BTAF1: variants seen among roughly 807,000 people sequenced by gnomAD.
BTAF1 encodes TATA-binding protein-associated factor 172.
A neutral mutation model predicts 227.1 loss-of-function variants in BTAF1; 38 were observed. The ratio of observed to expected loss-of-function variants is 0.17; its 90% confidence interval spans 0.13 to 0.22. BTAF1 has a LOEUF of 0.22. Ranked by LOEUF, BTAF1 falls within the 10% of genes least tolerant of loss-of-function variation. The probability of loss-of-function intolerance (pLI) is 1.00; values close to 1 mark genes in which losing one functional copy is unlikely to be tolerated. For missense variants in BTAF1, 1,598 were observed against 2,204.0 expected (o/e 0.73, Z 5.51); for synonymous variants, 742 against 751.9 (o/e 0.99, Z 0.21).
At chr10:91,984,471 A>T in intron 19 of BTAF1, 67 bp downstream of exon 19, 1 of 1,370,784 alleles carries the variant, frequency 7.3e-7, no homozygotes, top group South Asian at 1.4e-5. Context: ...ATTTGTCATG[A>T]CATGTTTATC....
rs1564667377 is a variant in BTAF1, at chr10:91,951,556, A to G, written c.554A>G (p.Asn185Ser). Residue 185 changes from asparagine to serine, a missense_variant, in exon 5 of 38, where the codon AAC becomes AGC. Around this residue, in one of 10 missense-constraint regions of BTAF1, gnomAD observed 298 missense variants for 395.2 expected, o/e 0.75. Transcript: ENST00000265990. ...ACCCCAACTTCAGCATCCTTTGTTA[A>G]CAAACAACCTGTAGGTAAAACGTTT... ...DYTPTSASFV[N>S]KQPTLQAAEL... 6.3e-7 allele frequency: 1 copy of G among 1,596,530 alleles called. No individual in the cohort carries two copies. The highest frequency in any genetic ancestry group is 8.5e-7 in the Non-Finnish European group (1 of 1,174,580).
chr10:92,018,946 C>A lies in BTAF1; in HGVS notation c.4863+11C>A. On this transcript the variant is annotated intron_variant, in intron 34 of 37. Coordinates refer to ENST00000265990, the MANE Select transcript of BTAF1 (RefSeq NM_003972.3). ...TCAGCTTTGAAACAAGTATGTATGT[C>A]TTTTAAGTGTTAAATGTGTGTTGTA... is the stretch of plus-strand genomic sequence containing the variant. The A allele has an allele frequency of 1.3e-6, 2 of 1,521,826 alleles. No individual in the cohort carries two copies. Among genetic ancestry groups the A allele is most frequent in the Non-Finnish European group, 8.8e-7 (1 of 1,136,404 alleles). 94.3% of individuals were successfully genotyped at this position (1,521,826 alleles called of 1,614,324 possible).
chr10:91,992,366 C>T, intron 21 of BTAF1, 57 bp downstream of exon 21: 1 of 1,437,186 alleles, frequency 7.0e-7, no homozygotes, highest in Non-Finnish European at 9.3e-7. Context: ...ATCTGACTTA[C>T]AAATTGAGAA....
intron 16 of BTAF1, 55 bp downstream of exon 16, chr10:91,981,847 A>G (rs573566195): frequency 3.9e-6 from 6 of 1,531,852 alleles, no homozygotes; most frequent in African/African-American, 1.4e-5. Context: ...TTATTAATAC[A>G]GTAACCATAT....
chr10:91,938,258 T>A (rs1217291025), intron 2 of BTAF1, among the ~76,000 whole-genome samples: 1 of 152,226 alleles, frequency 6.6e-6, no homozygotes, highest in Non-Finnish European at 1.5e-5. Flanking sequence ...GATTTGGAAA[T>A]ATACTCTTCT....
At chr10:91,973,162 G>A (rs185768151) in intron 14 of BTAF1, among the ~76,000 whole-genome samples, 8 of 152,292 alleles carry the variant, frequency 5.3e-5, no homozygotes, top group African/African-American at 1.9e-4. Context: ...AATGTAAAGA[G>A]CCGTTAAATA....
intron 16 of BTAF1, 96 bp downstream of exon 16, chr10:91,981,888 TTTAA>T (rs1848086973): frequency 7.1e-7 from 1 of 1,408,700 alleles, no homozygotes; most frequent in Non-Finnish European, 9.4e-7. Flanking sequence ...TTAAGTGTGA[TTTAA>T]TTAACATAAG....
At position 91,992,209 on chromosome 10, in the gene BTAF1, C is replaced by T; in HGVS notation, c.2945C>T (p.Ala982Val). 1 of 1,613,918 alleles carries T rather than the reference C, an allele frequency of 6.2e-7. No individual in the cohort carries two copies. Among genetic ancestry groups the T allele is most frequent in the Non-Finnish European group, 8.5e-7 (1 of 1,179,966 alleles). Residue 982 changes from alanine to valine, a missense_variant, in exon 21 of 38, where the codon GCT (alanine) becomes GTT (valine). Physicochemically the swap from Ala to Val is moderately conservative, Grantham distance 64 (BLOSUM62 0). Coordinates refer to ENST00000265990, the MANE Select transcript of BTAF1 (RefSeq NM_003972.3). The part of the protein sequence containing the change: ...TLYRHQKAAF[A>V]ITSRRGPTPK... ...TACAGGCACCAGAAAGCTGCCTTTG[C>T]TATCACAAGTAGGCGAGGTCCTACC... is the stretch of plus-strand genomic sequence containing the variant.
intron 34 of BTAF1, among the ~76,000 whole-genome samples, chr10:92,023,876 T>G (rs1451974857): frequency 6.6e-6 from 1 of 152,238 alleles, no homozygotes; most frequent in East Asian, 1.9e-4. Flanking sequence ...TCAAGTGATC[T>G]GCCTGCCTTG....
At chr10:92,016,189 A>T in intron 32 of BTAF1, 151 bp from the exon 33 acceptor site, 1 of 855,924 alleles carries the variant, frequency 1.2e-6, no homozygotes, top group Non-Finnish European at 1.7e-6. Flanking sequence ...GATAACCTGT[A>T]ATTCCTGTAG....
chr10:91,984,176 CTATT>C, intron 18 of BTAF1, 21 bp from the exon 19 acceptor site: 5 of 1,596,606 alleles, frequency 3.1e-6, no homozygotes, highest in Non-Finnish European at 4.3e-6. Context: ...TACAGTTACC[CTATT>C]TGTTTTCTGT....
chr10:91,988,383 AG>A (rs1168796794), intron 19 of BTAF1, among the ~76,000 whole-genome samples: 1 of 152,230 alleles, frequency 6.6e-6, no homozygotes, highest in Non-Finnish European at 1.5e-5. Flanking sequence ...TTAAACTTTT[AG>A]CATTGTAACC....
At chr10:91,983,604 C>A (rs1848208006) in intron 18 of BTAF1, among the ~76,000 whole-genome samples, 1 of 152,148 alleles carries the variant, frequency 6.6e-6, no homozygotes, top group East Asian at 1.9e-4. Context: ...AGTTAGGTTT[C>A]TGGACACTCA....
At chr10:91,971,437 T>C (rs1847295305) in intron 14 of BTAF1, among the ~76,000 whole-genome samples, 1 of 151,956 alleles carries the variant, frequency 6.6e-6, no homozygotes. Flanking sequence ...GCTATTTCAT[T>C]CTGTGTTTTC....
At chr10:91,974,716 G>A (rs536173784) in intron 14 of BTAF1, among the ~76,000 whole-genome samples, 15 of 152,224 alleles carry the variant, frequency 9.9e-5, no homozygotes, top group African/African-American at 2.4e-4. Context: ...GCCAGGAGTC[G>A]TGGTGGGTGC....
At chr10:91,971,913 T>C (rs1450007977) in intron 14 of BTAF1, among the ~76,000 whole-genome samples, 1 of 151,802 alleles carries the variant, frequency 6.6e-6, no homozygotes, top group Non-Finnish European at 1.5e-5. Flanking sequence ...CATCCATAAT[T>C]GACATTTCTT....
intron 25 of BTAF1, among the ~76,000 whole-genome samples, chr10:91,998,767 T>C (rs1200618503): frequency 2.6e-5 from 4 of 152,184 alleles, no homozygotes; most frequent in Non-Finnish European, 5.9e-5. Flanking sequence ...ATAGTTATTA[T>C]GGGCTGGGTG....
At position 91,955,689 on chromosome 10, in the gene BTAF1, T is replaced by C. The variant is rs75328104; in HGVS notation, c.702-839T>C. ...TTAAGAAAATGTTATGCTTTCCAAATAGAGGGAATTACAAGGACAAATGCC... is the reference window on the plus strand; with the variant it reads ...TTAAGAAAATGTTATGCTTTCCAAACAGAGGGAATTACAAGGACAAATGCC... On this transcript the variant is annotated intron_variant, in intron 6 of 37. Transcript: ENST00000265990. Among the ~76,000 whole-genome samples the C allele has an allele frequency of 2.6e-4, 40 of 152,210 alleles. No homozygotes were observed. In the East Asian group the frequency reaches 6.8e-3, roughly 26 times the overall value.
chr10:91,977,429 C>G (rs369451803), intron 14 of BTAF1, among the ~76,000 whole-genome samples: 11 of 151,802 alleles, frequency 7.2e-5, no homozygotes, highest in African/African-American at 2.7e-4. Context: ...AGTTCATTTT[C>G]TTTTTAGTGA....
Sources: gnomAD v4.1 joint callset for allele counts (sites outside exome capture counted in the v4.1 genomes callset) on GRCh38, gnomAD v4.1.1 for gene constraint, gnomAD v4.1.1 regional missense constraint, MANE v1.5 for transcripts, NCBI Gene and HGNC (gene_info 2026-07-23, HGNC 2026-07-21) for gene names.